The following DUOX1 variants were observed in gnomAD, a reference collection of about 807,000 sequenced individuals.
DUOX1 encodes the protein dual oxidase 1.
A neutral mutation model predicts 181.8 loss-of-function variants in DUOX1; 134 were observed. The observed-to-expected ratio is 0.74, with a 90% confidence interval of 0.64 to 0.85. DUOX1 has a LOEUF of 0.85. DUOX1 is among the 40% of genes least tolerant of loss of function. DUOX1 has a pLI of 0.00. For missense variants in DUOX1, 1,814 were observed against 2,064.4 expected, an observed-to-expected ratio of 0.88 and a Z score of 2.35; for synonymous variants, 798 against 832.5, an observed-to-expected ratio of 0.96 and a Z score of 0.71.
intron 15 of DUOX1, among the ~76,000 whole-genome samples, chr15:45,142,789 G>GGAAGGAAGGAAGGA (rs1480496555): frequency 0.095 from 13,268 of 139,674 alleles, 1,277 homozygotes; most frequent in African/African-American, 0.15. Context: ...GGAAGGAAGG[G>GGAAGGAAGGAAGGA]AGGGAGGAAG....
chr15:45,156,878 G>A (rs1896981559), intron 28 of DUOX1, among the ~76,000 whole-genome samples: 1 of 151,986 alleles, frequency 6.6e-6, no homozygotes, highest in Non-Finnish European at 1.5e-5. Context: ...GTTAGTTCCC[G>A]AGCTGATTCT....
intron 29 of DUOX1, 88 bp from the exon 30 acceptor site, chr15:45,161,650 G>A: frequency 8.4e-7 from 1 of 1,187,386 alleles, no homozygotes; most frequent in Non-Finnish European, 1.2e-6. Context: ...TCCAGAAGCA[G>A]AGCTGAGGCT....
intron 33 of DUOX1, 137 bp from the exon 34 acceptor site, chr15:45,164,642 A>G: frequency 2.1e-6 from 2 of 950,240 alleles, no homozygotes. Flanking sequence ...CTAATTAAAA[A>G]TAAAAAAATT....
intron 25 of DUOX1, 48 bp from the exon 26 acceptor site, chr15:45,153,332 C>T (rs200153702): frequency 6.5e-7 from 1 of 1,532,732 alleles, no homozygotes; most frequent in Admixed American, 1.7e-5. Context: ...TGAGTGAGCA[C>T]CCACCCTGGG....
intron 20 of DUOX1, 100 bp downstream of exon 20, chr15:45,148,097 C>G: frequency 2.1e-6 from 3 of 1,418,746 alleles, no homozygotes; most frequent in South Asian, 1.2e-5. Flanking sequence ...AGGAAGGAAG[C>G]CTCCTCCTTA....
chr15:45,133,874 C>A lies in DUOX1; in HGVS notation c.69C>A (p.Asn23Lys). ...TCCATTCTCACACAGGAGCTCAGAA[C>A]CCCATTTCGTGGGAGGTGCAGCGAT... Reference protein sequence around the residue: ...VGAWTPLGAQNPISWEVQRFD... With the variant: ...VGAWTPLGAQKPISWEVQRFD... The change falls in exon 3 of 34, where the codon AAC (asparagine) becomes AAA (lysine). Residue 23 changes from asparagine (N) to lysine (K), a missense_variant. Transcript: ENST00000389037. 1 of 1,613,880 alleles carries A rather than the reference C, an allele frequency of 6.2e-7. No homozygotes were observed. The highest frequency in any genetic ancestry group is 1.3e-5 in the African/African-American group (1 of 75,038).
intron 2 of DUOX1, 49 bp downstream of exon 2, chr15:45,132,073 C>G (rs1044946765): frequency 1.3e-6 from 2 of 1,502,090 alleles, no homozygotes; most frequent in African/African-American, 2.8e-5. Flanking sequence ...AGGAACCCAG[C>G]ATCCTCTGGG....
At chr15:45,162,465 C>A in intron 31 of DUOX1, 88 bp downstream of exon 31, 1 of 1,524,754 alleles carries the variant, frequency 6.6e-7, no homozygotes, top group African/African-American at 1.4e-5. Flanking sequence ...TGCCTTTGTT[C>A]TTGGCTTCCC....
At chr15:45,130,405 C>T (rs1449584603) in intron 1 of DUOX1, among the ~76,000 whole-genome samples, 3 of 152,182 alleles carry the variant, frequency 2.0e-5, no homozygotes, top group East Asian at 1.9e-4. Flanking sequence ...GAGCTTTGGG[C>T]TTTAGGATCC....
intron 11 of DUOX1, 23 bp from the exon 12 acceptor site, chr15:45,139,404 A>ACTGT (rs1393618122): frequency 6.2e-7 from 1 of 1,609,932 alleles, no homozygotes; most frequent in Admixed American, 1.7e-5. Context: ...GCTCCCTCAG[A>ACTGT]CTGTCTGGTA....
chr15:45,164,842 T>C lies in DUOX1; in HGVS notation c.4597T>C (p.Cys1533Arg), dbSNP rs764599236. 6.2e-7 allele frequency: 1 copy of C among 1,614,120 alleles called. No homozygotes were observed. Among genetic ancestry groups the C allele is most frequent in the Non-Finnish European group, 8.5e-7 (1 of 1,179,976 alleles). ...CATGACCAAGAATGTGGAAAAGGCC[T>C]GTCAGCTCATCAACAGGCAGGACCG... ...PGMTKNVEKA[C>R]QLINRQDRTH... Residue 1533 changes from cysteine to arginine, a missense_variant, in exon 34 of 34, where the codon TGT (cysteine) becomes CGT (arginine). Cys to Arg is a radical substitution (Grantham distance 180). Coordinates refer to ENST00000389037, the MANE Select transcript of DUOX1 (RefSeq NM_175940.3).
intron 11 of DUOX1, 62 bp downstream of exon 11, chr15:45,139,230 G>T (rs1567010452): frequency 6.2e-6 from 10 of 1,611,658 alleles, no homozygotes; most frequent in Non-Finnish European, 8.5e-6. Flanking sequence ...GGCTCAGCTG[G>T]ACTTCCAGAA....
At chr15:45,133,425 C>G (rs1437694662) in intron 2 of DUOX1, among the ~76,000 whole-genome samples, 1 of 152,168 alleles carries the variant, frequency 6.6e-6, no homozygotes, top group African/African-American at 2.4e-5. Context: ...ATGACATGTC[C>G]TTCTCCGGTA....
At chr15:45,155,604 G>T in intron 27 of DUOX1, 198 bp from the exon 28 acceptor site, 2 of 671,866 alleles carry the variant, frequency 3.0e-6, no homozygotes, top group Non-Finnish European at 4.9e-6. Flanking sequence ...GGTGACAAGG[G>T]CTATGAAAAG....
At chr15:45,144,766 T>C in intron 17 of DUOX1, 129 bp from the exon 18 acceptor site, 1 of 1,000,646 alleles carries the variant, frequency 1.0e-6, no homozygotes, top group Admixed American at 2.4e-5. Context: ...CCTTTCCTCT[T>C]CTGTAAAAGG....
chr15:45,141,371 C>G lies in DUOX1; in HGVS notation c.1645C>G (p.Pro549Ala), dbSNP rs775404107. 2 of 1,614,212 alleles carry G rather than the reference C, an allele frequency of 1.2e-6. No homozygotes were observed. The highest frequency in any genetic ancestry group is 2.2e-5 in the South Asian group (2 of 91,088). ...DVLVAVINID[P>A]SALQPNVFVW... ...GCTGGTCGCTGTTATCAACATTGAC[C>G]CCAGTGCTCTGCAGCCCAATGTCTT... The change falls in exon 14 of 34, where the codon CCC (proline) becomes GCC (alanine). Residue 549 changes from proline to alanine, a missense_variant. Physicochemically the swap from Pro to Ala is conservative, Grantham distance 27. Coordinates refer to ENST00000389037, the MANE Select transcript of DUOX1 (RefSeq NM_175940.3).
chr15:45,143,667 C>T (rs1188806985), intron 16 of DUOX1, among the ~76,000 whole-genome samples: 1 of 152,140 alleles, frequency 6.6e-6, no homozygotes, highest in Non-Finnish European at 1.5e-5. Flanking sequence ...ATCTTGGTTC[C>T]ACCACCACTA....
chr15:45,163,491 T>C (rs746092879), intron 31 of DUOX1, 41 bp from the exon 32 acceptor site: 1 of 1,611,696 alleles, frequency 6.2e-7, no homozygotes, highest in Non-Finnish European at 8.5e-7. Context: ...TTAGGGAGAC[T>C]GAGCTGAGAT....
intron 15 of DUOX1, among the ~76,000 whole-genome samples, chr15:45,142,557 CT>C (rs1468711786): frequency 2.0e-5 from 3 of 152,096 alleles, no homozygotes; most frequent in African/African-American, 7.2e-5. Flanking sequence ...GAAACCATGT[CT>C]CTCCTAAAAA....
Sources: gnomAD v4.1 joint callset for allele counts (sites outside exome capture counted in the v4.1 genomes callset) on GRCh38, gnomAD v4.1.1 for gene constraint, MANE v1.5 for transcripts, NCBI Gene and HGNC (gene_info 2026-07-23, HGNC 2026-07-21) for gene names.